The following CRISP2 variants were observed in gnomAD, a reference collection of about 807,000 sequenced individuals.
The protein encoded by CRISP2 is cysteine-rich secretory protein 2.
CRISP2 carries 29 observed loss-of-function variants against 31.7 expected under a neutral mutation model. The observed-to-expected ratio is 0.92, with a 90% CI of 0.68 to 1.25. The LOEUF (loss-of-function observed/expected upper bound fraction) is 1.25. Ranked by LOEUF, CRISP2 falls within the 50% of genes most tolerant of loss-of-function variation. CRISP2 has a pLI of 0.00. For missense variants in CRISP2, 318 were observed against 286.5 expected, an observed-to-expected ratio of 1.11 and a Z score of -0.79; for synonymous variants, 111 against 101.4, an observed-to-expected ratio of 1.09 and a Z score of -0.57.
the CRISP2 span, among the ~76,000 whole-genome samples, chr6:49,677,811 T>C: frequency 2.9e-4 from 44 of 152,212 alleles, no homozygotes; most frequent in African/African-American, 1.0e-3. Context: ...TGAAAGACAA[T>C]TTTTTAAAGG....
chr6:49,686,188 G>A, the CRISP2 span, among the ~76,000 whole-genome samples: 1 of 152,106 alleles, frequency 6.6e-6, no homozygotes, highest in African/African-American at 2.4e-5. Flanking sequence ...GTCCATATCA[G>A]CTCATAAATA....
Position 49,709,177 on chromosome 6 carries a change from A to G in CRISP2, c.20T>C (p.Leu7Ser), listed in dbSNP as rs1415570349. The part of the protein sequence containing the change: MALLPV[L>S]FLVTVLLPSL... ...TGGAAGCAGCACAGTAACCAGAAAC[A>G]ACACCGGTAGTAAAGCCATTGCTGG... The change falls in exon 4 of 10, where the codon TTG (leucine) becomes TCG (serine). Residue 7 changes from leucine (L) to serine (S), a missense_variant. Transcript: ENST00000339139. 1.2e-6 allele frequency: 2 copies of G among 1,613,798 alleles called. No individual in the cohort carries two copies. The highest frequency in any genetic ancestry group is 1.7e-5 in the Admixed American group (1 of 60,018).
the CRISP2 span, among the ~76,000 whole-genome samples, chr6:49,680,709 C>T: frequency 6.6e-5 from 10 of 152,178 alleles, no homozygotes; most frequent in Middle Eastern, 3.4e-3. Flanking sequence ...TGGTGTGAGA[C>T]GGTCTCTCAT....
chr6:49,705,280 G>A (rs1329455617), intron 4 of CRISP2, among the ~76,000 whole-genome samples: 1 of 152,010 alleles, frequency 6.6e-6, no homozygotes, highest in African/African-American at 2.4e-5. Flanking sequence ...AGGTCACCAG[G>A]GAAGTGGTGG....
At chr6:49,680,223 C>T in the CRISP2 span, among the ~76,000 whole-genome samples, 2 of 152,110 alleles carry the variant, frequency 1.3e-5, no homozygotes, top group African/African-American at 4.8e-5. Flanking sequence ...CATCATTTAG[C>T]TCCCACTTAT....
rs1309837436 is a variant in CRISP2 at position 49,701,868 on chromosome 6, ATATTATG to A, written c.67-1091_67-1085del. On this transcript the variant is annotated intron_variant, in intron 4 of 9. Coordinates refer to ENST00000339139, the MANE Select transcript of CRISP2 (RefSeq NM_003296.4). The stretch of plus-strand genomic sequence containing the variant: ...TATATTATATAATATATATTATTAT[ATATTATG>A]TATTATATATTATATATTATTATAT... Among the ~76,000 whole-genome samples the A allele has an allele frequency of 3.1e-3, 311 of 101,880 alleles. 1 individual carries two copies. The highest frequency in any genetic ancestry group is 4.9e-3 in the Non-Finnish European group (271 of 54,814). The allele number at this position is 101,880 out of a possible 152,430, so 66.8% of individuals were successfully genotyped here. A position where few individuals can be genotyped will look rare whatever the true frequency, so the allele number is the denominator to read the frequency against.
intron 7 of CRISP2, 85 bp downstream of exon 7, chr6:49,698,277 T>C: frequency 6.8e-7 from 1 of 1,464,496 alleles, no homozygotes. Context: ...TTCTCCTAAA[T>C]TGAACATTAC....
At chr6:49,699,937 A>G (rs776739940) in intron 5 of CRISP2, 46 bp from the exon 6 acceptor site, 3 of 1,482,040 alleles carry the variant, frequency 2.0e-6, no homozygotes, top group Non-Finnish European at 2.8e-6. Flanking sequence ...TTCAGCCACA[A>G]TGAAACATAC....
intron 4 of CRISP2, among the ~76,000 whole-genome samples, chr6:49,708,310 G>A (rs925102026): frequency 6.6e-6 from 1 of 152,136 alleles, no homozygotes; most frequent in African/African-American, 2.4e-5. Flanking sequence ...TATTTGTAAT[G>A]AGTTAGGTGG....
the CRISP2 span, among the ~76,000 whole-genome samples, chr6:49,686,309 T>C: frequency 6.6e-6 from 1 of 152,336 alleles, no homozygotes; most frequent in South Asian, 2.1e-4. Context: ...CAAATAACAT[T>C]TTAATAAATA....
downstream of CRISP2, among the ~76,000 whole-genome samples, chr6:49,688,103 A>G (rs1299872155): frequency 3.9e-5 from 6 of 152,322 alleles, no homozygotes; most frequent in East Asian, 9.7e-4. Context: ...AGTCAGTCCC[A>G]TCTCTGGGAG....
the CRISP2 span, among the ~76,000 whole-genome samples, chr6:49,677,338 A>G: frequency 7.2e-4 from 110 of 152,306 alleles, no homozygotes; most frequent in South Asian, 1.7e-3. Context: ...TTGAAATAAA[A>G]AACACTGTAT....
intron 4 of CRISP2, among the ~76,000 whole-genome samples, chr6:49,706,870 G>A (rs754133030): frequency 1.6e-4 from 24 of 152,134 alleles, no homozygotes; most frequent in African/African-American, 5.1e-4. Flanking sequence ...GATCGTGGAC[G>A]CCACTGTACC....
intron 8 of CRISP2, among the ~76,000 whole-genome samples, chr6:49,696,257 G>A (rs1304285351): frequency 6.6e-6 from 1 of 152,062 alleles, no homozygotes; most frequent in Non-Finnish European, 1.5e-5. Flanking sequence ...ACCCCAAGGT[G>A]CCAATTAGGG....
Position 49,697,844 on chromosome 6 carries a change from TAAACAG to T in CRISP2, c.515+10_515+15del. On this transcript the variant is annotated intron_variant, in intron 8 of 9. Transcript: ENST00000339139. The stretch of plus-strand genomic sequence containing the variant: ...AGATAGAATTATTGCCATTAAACTC[TAAACAG>T]TCTACTTACGCAGGACAATATTGGC... 1 of 1,609,164 alleles carries T rather than the reference TAAACAG, an allele frequency of 6.2e-7. No individual in the cohort carries two copies. The highest frequency in any genetic ancestry group is 8.5e-7 in the Non-Finnish European group (1 of 1,175,934).
chr6:49,701,007 A>G (rs1218368498), intron 4 of CRISP2, among the ~76,000 whole-genome samples: 1 of 152,182 alleles, frequency 6.6e-6, no homozygotes, highest in African/African-American at 2.4e-5. Context: ...ATAGTAAAGT[A>G]GTAGACTGAA....
intron 8 of CRISP2, 123 bp from the exon 9 acceptor site, chr6:49,696,047 A>G: frequency 1.8e-6 from 1 of 558,870 alleles, no homozygotes; most frequent in Non-Finnish European, 3.1e-6. Flanking sequence ...AAAACTGAAA[A>G]ATTACAATTC....
At chr6:49,703,050 C>A (rs1039637170) in intron 4 of CRISP2, among the ~76,000 whole-genome samples, 2 of 152,094 alleles carry the variant, frequency 1.3e-5, no homozygotes, top group African/African-American at 4.8e-5. Flanking sequence ...TGCCAACTAT[C>A]CCACCACCAT....
chr6:49,713,909 G>A (rs1225847837), upstream of CRISP2, among the ~76,000 whole-genome samples: 1 of 152,172 alleles, frequency 6.6e-6, no homozygotes, highest in East Asian at 1.9e-4. Context: ...CTAATTAGGA[G>A]TCCACAGGTG....
Sources: allele counts gnomAD v4.1 joint callset (sites outside exome capture counted in the v4.1 genomes callset), GRCh38; gene constraint gnomAD v4.1.1; transcripts MANE v1.5; gene names NCBI Gene and HGNC (gene_info 2026-07-23, HGNC 2026-07-21).